Variants in HSPA12A observed in about 807,000 individuals in gnomAD.
The protein encoded by HSPA12A is heat shock protein family A (Hsp70) member 12A, also known as heat shock 70 kDa protein 12A.
In HSPA12A, 28 loss-of-function variants were observed where a neutral mutation model predicts 69.2. The ratio of observed to expected loss-of-function variants is 0.40; its 90% CI spans 0.30 to 0.55. The LOEUF (loss-of-function observed/expected upper bound fraction) is 0.55. HSPA12A is among the 20% of genes least tolerant of loss of function. The probability of loss-of-function intolerance (pLI) is 0.38; values close to 1 mark genes in which losing one functional copy is unlikely to be tolerated. For missense variants in HSPA12A, 686 were observed against 900.7 expected (o/e 0.76, Z 3.05); for synonymous variants, 345 against 370.5 (o/e 0.93, Z 0.79).
chr10:116,703,239 AC>A (rs1443695959), intron 3 of HSPA12A, among the ~76,000 whole-genome samples: 5 of 152,304 alleles, frequency 3.3e-5, no homozygotes, highest in Admixed American at 6.5e-5. Context: ...GAGTGTCTGT[AC>A]CCTCTTAGGA....
chr10:116,713,168 T>C (rs1032071273), intron 1 of HSPA12A, among the ~76,000 whole-genome samples: 1 of 151,018 alleles, frequency 6.6e-6, no homozygotes, highest in South Asian at 2.1e-4. Flanking sequence ...CAAGGTCATA[T>C]GTAGGTTACT....
intron 4 of HSPA12A, among the ~76,000 whole-genome samples, chr10:116,699,066 C>A (rs1850002347): frequency 6.6e-6 from 1 of 152,200 alleles, no homozygotes; most frequent in Non-Finnish European, 1.5e-5. Flanking sequence ...GCAGCAGGTG[C>A]CACTCCCCAT....
At chr10:116,842,933 A>G (rs1315887091) in intron 1 of HSPA12A, among the ~76,000 whole-genome samples, 1 of 152,116 alleles carries the variant, frequency 6.6e-6, no homozygotes, top group Non-Finnish European at 1.5e-5. Flanking sequence ...TTTTCTCTTT[A>G]CTATCTGAAC....
chr10:116,698,780 G>A (rs1287805657), intron 4 of HSPA12A, 41 bp from the exon 5 acceptor site: 1 of 1,483,314 alleles, frequency 6.7e-7, no homozygotes, highest in Non-Finnish European at 9.4e-7. Context: ...AGATGACACA[G>A]GAGAAACATG....
At chr10:116,749,422 T>A (rs1480777062) in intron 2 of HSPA12A, among the ~76,000 whole-genome samples, 1 of 152,130 alleles carries the variant, frequency 6.6e-6, no homozygotes, top group Non-Finnish European at 1.5e-5. Context: ...ATTTTACAGG[T>A]AAGGAAACTG....
At chr10:116,771,565 C>T (rs567770991) in intron 2 of HSPA12A, among the ~76,000 whole-genome samples, 47 of 152,294 alleles carry the variant, frequency 3.1e-4, no homozygotes, top group African/African-American at 1.1e-3. Context: ...AGAGGGCCCC[C>T]GGGAGGATGT....
At chr10:116,815,682 C>T (rs2133190054) in intron 2 of HSPA12A, among the ~76,000 whole-genome samples, 1 of 152,286 alleles carries the variant, frequency 6.6e-6, no homozygotes, top group Non-Finnish European at 1.5e-5. Context: ...GATAACATGG[C>T]AGGGCCCTGA....
chr10:116,849,364 A>C (rs1331524210), intron 1 of HSPA12A: 2 of 610,948 alleles, frequency 3.3e-6, no homozygotes, highest in African/African-American at 3.8e-5. Flanking sequence ...CCCGGACCTA[A>C]TGCCGCAGGG....
intron 5 of HSPA12A, among the ~76,000 whole-genome samples, chr10:116,694,651 C>T (rs527824177): frequency 9.4e-4 from 143 of 152,292 alleles, no homozygotes; most frequent in Middle Eastern, 3.4e-3. Context: ...CGAGCCCCTA[C>T]GGCTCCTCCT....
At chr10:116,849,872 G>A (rs556018154), upstream of HSPA12A, 1,725 of 981,550 alleles carry the variant, frequency 1.8e-3, 37 homozygotes, top group South Asian at 0.024. Flanking sequence ...GTGCGGAGGA[G>A]ACTTCTGGAG....
chr10:116,719,886 C>T (rs1293451396), intron 1 of HSPA12A, among the ~76,000 whole-genome samples: 2 of 152,174 alleles, frequency 1.3e-5, no homozygotes, highest in Non-Finnish European at 2.9e-5. Context: ...ACATTCCAGC[C>T]CTGAGGTTCC....
rs1327938928 is a variant in HSPA12A at position 116,686,339 on chromosome 10, G to T, written c.664-2377C>A. On this transcript the variant is annotated intron_variant, in intron 6 of 11. Coordinates refer to ENST00000369209, the MANE Select transcript of HSPA12A (RefSeq NM_025015.3). The surrounding 1 kb of genome is among the most constrained non-coding windows in gnomAD (Gnocchi z 4.1). ...CTGTGCTGATTCTTCCATCCTTGAG[G>T]TTGTGGAGTCAAGGACCTCCCAGGA... 6.6e-6 allele frequency among the ~76,000 whole-genome samples: 1 copy of T among 152,186 alleles called. No homozygotes were observed. The highest frequency in any genetic ancestry group is 6.5e-5 in the Admixed American group (1 of 15,282).
intron 1 of HSPA12A, among the ~76,000 whole-genome samples, chr10:116,846,628 G>A (rs980695305): frequency 6.6e-5 from 10 of 152,098 alleles, no homozygotes; most frequent in African/African-American, 2.4e-4. Context: ...GATTACAGGC[G>A]TGAGCCACCG....
rs142286860 is a variant in HSPA12A, at chr10:116,693,834, A to G, written c.547-1367T>C. 2.4e-3 allele frequency among the ~76,000 whole-genome samples: 362 copies of G among 152,294 alleles called. 4 individuals carry two copies. The highest frequency in any genetic ancestry group is 0.016 in the Admixed American group (248 of 15,292). On this transcript the variant is annotated intron_variant, in intron 5 of 11. Coordinates refer to ENST00000369209, the MANE Select transcript of HSPA12A (RefSeq NM_025015.3). ...ACACACCCTAAAATTCATCACCTTAACCATTTTTAAGTGCACAGTTAAGTA... is the reference window on the plus strand; with the variant it reads ...ACACACCCTAAAATTCATCACCTTAGCCATTTTTAAGTGCACAGTTAAGTA...
intron 2 of HSPA12A, among the ~76,000 whole-genome samples, chr10:116,771,584 T>G (rs74636215): frequency 0.019 from 2,888 of 152,268 alleles, 60 homozygotes; most frequent in East Asian, 0.12. Context: ...GTTTCCGGAA[T>G]GAATACATCC....
intron 5 of HSPA12A, among the ~76,000 whole-genome samples, chr10:116,693,012 C>T (rs1413528441): frequency 2.0e-5 from 3 of 152,094 alleles, no homozygotes; most frequent in East Asian, 3.8e-4. Flanking sequence ...CCTTTTTGAC[C>T]ACTGTGCAGT....
At chr10:116,788,061 T>A (rs1219609382) in intron 2 of HSPA12A, among the ~76,000 whole-genome samples, 1 of 152,066 alleles carries the variant, frequency 6.6e-6, no homozygotes, top group Non-Finnish European at 1.5e-5. Context: ...GCCGTTAAAT[T>A]CAGATGCTAC....
upstream of HSPA12A, chr10:116,850,185 A>C (rs1451592515): frequency 4.2e-6 from 1 of 238,170 alleles, no homozygotes; most frequent in Admixed American, 5.4e-5. Flanking sequence ...GCTTCAGCCT[A>C]TTCTGGGGCC....
intron 2 of HSPA12A, among the ~76,000 whole-genome samples, chr10:116,809,798 A>G (rs1012906008): frequency 7.2e-5 from 11 of 152,240 alleles, no homozygotes; most frequent in African/African-American, 2.7e-4. Flanking sequence ...GGATTCAAAA[A>G]GACAGATGTT....
Sources: gnomAD v4.1 joint callset for allele counts (sites outside exome capture counted in the v4.1 genomes callset) on GRCh38, gnomAD v4.1.1 for gene constraint, Gnocchi (gnomAD v3.1) non-coding constraint, MANE v1.5 for transcripts, NCBI Gene and HGNC (gene_info 2026-07-23, HGNC 2026-07-21) for gene names.